The following RAD51B variants were observed in gnomAD, a reference collection of about 807,000 sequenced individuals.
RAD51B encodes RAD51 paralog B, also known as DNA repair protein RAD51 homolog 2.
A neutral mutation model predicts 42.2 loss-of-function variants in RAD51B; 38 were observed. The ratio of observed to expected loss-of-function variants is 0.90; its 90% CI spans 0.70 to 1.18. The LOEUF (loss-of-function observed/expected upper bound fraction) is 1.18, where lower values mean the gene tolerates loss of function less well. Ranked by LOEUF, RAD51B falls within the 50% of genes most tolerant of loss-of-function variation. RAD51B has a pLI of 0.00. For synonymous variants in RAD51B, 154 were observed against 145.2 expected (o/e 1.06, Z -0.43); for missense variants, 373 against 400.7 (o/e 0.93, Z 0.59).
rs78545159 is a variant in RAD51B, at chr14:68,386,034, C to T, written c.854-25390C>T. Among the ~76,000 whole-genome samples the T allele has an allele frequency of 4.1e-3, 617 of 152,320 alleles. 4 individuals carry two copies. Among genetic ancestry groups the T allele is most frequent in the African/African-American group, 0.014 (580 of 41,570 alleles). ...GTCACTTAAGATAGTCCCTTAATCA[C>T]TTCATTGCTCTATTTCCCGTCTTCT... On this transcript the variant is annotated intron_variant, in intron 8 of 10. Transcript: ENST00000471583.
chr14:68,362,665 G>T (rs1020613847), intron 8 of RAD51B, among the ~76,000 whole-genome samples: 21 of 151,926 alleles, frequency 1.4e-4, no homozygotes, highest in Admixed American at 3.3e-4. Flanking sequence ...CTGGCTAACA[G>T]GGTGAAACCC....
Position 67,864,961 on chromosome 14 carries a change from C to CTTTTTTTTTTTTTTTTTTTTTTTTT in RAD51B, c.316-27_316-3dup, listed in dbSNP as rs745505141. ...TGGCTTGTGATGTTTATCTAAAAAACTTTTTTTTTTTTTTTTTTTTTTTTT... is the reference window on the plus strand; with the variant it reads ...TGGCTTGTGATGTTTATCTAAAAAACTTTTTTTTTTTTTTTTTTTTTTTTTTTTTTTTTTTTTTTTTTTTTTTTTT... On this transcript the variant is annotated intron_variant, in intron 4 of 10. Transcript: ENST00000471583. 5.3e-5 allele frequency: 34 copies of CTTTTTTTTTTTTTTTTTTTTTTTTT among 645,020 alleles called. 17 individuals are homozygous for CTTTTTTTTTTTTTTTTTTTTTTTTT. Among genetic ancestry groups the CTTTTTTTTTTTTTTTTTTTTTTTTT allele is most frequent in the African/African-American group, 3.0e-4 (8 of 26,412 alleles). 40.0% of individuals were successfully genotyped at this position (645,020 alleles called of 1,614,324 possible). A position where few individuals can be genotyped will look rare whatever the true frequency, so the allele number is the denominator to read the frequency against.
At chr14:68,415,162 A>G (rs892441500) in intron 9 of RAD51B, among the ~76,000 whole-genome samples, 1 of 151,962 alleles carries the variant, frequency 6.6e-6, no homozygotes, top group African/African-American at 2.4e-5. Flanking sequence ...CTCTGCCAGT[A>G]GAGCTGAGCA....
At chr14:68,149,795 T>A (rs1025180970) in intron 7 of RAD51B, 7 of 152,242 alleles carry the variant, frequency 4.6e-5, no homozygotes, top group Admixed American at 3.9e-4. Flanking sequence ...CTGAACTAAA[T>A]GTGGACATCC....
intron 7 of RAD51B, among the ~76,000 whole-genome samples, chr14:68,088,396 T>G (rs571689437): frequency 9.2e-5 from 14 of 152,114 alleles, no homozygotes; most frequent in Non-Finnish European, 1.9e-4. Context: ...TGTCTCAGGT[T>G]TTTGTTTTTT....
intron 7 of RAD51B, among the ~76,000 whole-genome samples, chr14:67,898,760 A>G (rs1463874092): frequency 6.6e-6 from 1 of 152,214 alleles, no homozygotes; most frequent in African/African-American, 2.4e-5. Flanking sequence ...TCCTAGTTAG[A>G]ATGTTTTCCC....
chr14:68,471,834 A>G (rs2086135866), intron 10 of RAD51B, among the ~76,000 whole-genome samples: 1 of 152,056 alleles, frequency 6.6e-6, no homozygotes, highest in South Asian at 2.1e-4. Flanking sequence ...TTTGTCTGGG[A>G]TCCTGGCCTC....
chr14:68,031,353 G>A (rs2076038944), intron 7 of RAD51B, among the ~76,000 whole-genome samples: 1 of 152,192 alleles, frequency 6.6e-6, no homozygotes, highest in South Asian at 2.1e-4. Flanking sequence ...CCCTGCCCTT[G>A]ATACCTGGGG....
intron 7 of RAD51B, among the ~76,000 whole-genome samples, chr14:68,162,215 A>C (rs1050092331): frequency 2.0e-5 from 3 of 152,230 alleles, no homozygotes; most frequent in Non-Finnish European, 4.4e-5. Context: ...TTTCCATAGA[A>C]GCTAACTTTA....
chr14:68,422,116 G>C lies in RAD51B; in HGVS notation c.957+10589G>C, dbSNP rs2084715814. 6.9e-6 allele frequency: 10 copies of C among 1,455,298 alleles called. No individual in the cohort carries two copies. The East Asian group carries it at 2.3e-4, about 33-fold the overall frequency. The allele number at this position is 1,455,298 out of a possible 1,614,324, so 90.1% of individuals were successfully genotyped here. ...AATTTTCTGCTGTCTTTGGGATCTT[G>C]TCTGCAAACAGCTCGAAGGAGACAT... On this transcript the variant is annotated intron_variant, in intron 9 of 10. Transcript: ENST00000471583.
At chr14:68,485,225 C>T (rs1162681607) in intron 10 of RAD51B, among the ~76,000 whole-genome samples, 1 of 152,172 alleles carries the variant, frequency 6.6e-6, no homozygotes, top group Non-Finnish European at 1.5e-5. Context: ...GCTTCTTGCT[C>T]ATAACTGTAG....
chr14:68,468,318 A>G, intron 10 of RAD51B, 68 bp downstream of exon 10: 1 of 1,457,500 alleles, frequency 6.9e-7, no homozygotes, highest in East Asian at 2.3e-5. Context: ...AGTGGTAATT[A>G]GTGCTATGGT....
At chr14:68,539,479 T>C (rs1887834811) in intron 10 of RAD51B, among the ~76,000 whole-genome samples, 1 of 152,222 alleles carries the variant, frequency 6.6e-6, no homozygotes, top group African/African-American at 2.4e-5. Flanking sequence ...GGGCATTCAC[T>C]GGGTTTCCAG....
At chr14:68,680,666 G>T (rs988277543) in intron 11 of RAD51B, among the ~76,000 whole-genome samples, 17 of 152,006 alleles carry the variant, frequency 1.1e-4, no homozygotes, top group African/African-American at 4.1e-4. Context: ...AGTTAGTCCT[G>T]ATCCACGCAA....
At position 68,601,136 on chromosome 14, in the gene RAD51B, A is replaced by G. The variant is rs111239500; in HGVS notation, c.1037-9870A>G. 5.5e-4 allele frequency among the ~76,000 whole-genome samples: 84 copies of G among 152,208 alleles called. 3 individuals are homozygous for G. The highest frequency in any genetic ancestry group is 1.7e-3 in the African/African-American group (69 of 41,542). On this transcript the variant is annotated intron_variant, in intron 10 of 10. Coordinates refer to the RAD51B transcript ENST00000487861. ...AAAAGACCTGATCCCCAAGCCCCAC[A>G]CCTGGCCCCAAGATCCCTCTGGGAT...
Position 67,841,942 on chromosome 14 carries a change from T to C in RAD51B, c.315+6746T>C, listed in dbSNP as rs571318352. ...TAGTTTTTTCTAATTCTGTGAAAAA[T>C]GACATTGGTAATTTGAATCTGTACA... is the stretch of plus-strand genomic sequence containing the variant. On this transcript the variant is annotated intron_variant, in intron 4 of 10. Coordinates refer to ENST00000471583, the MANE Select transcript of RAD51B (RefSeq NM_133510.4). Among the ~76,000 whole-genome samples the C allele has an allele frequency of 5.0e-3, 761 of 152,282 alleles. 1 individual carries two copies. Among genetic ancestry groups the C allele is most frequent in the Non-Finnish European group, 8.3e-3 (567 of 67,990 alleles).
intron 7 of RAD51B, among the ~76,000 whole-genome samples, chr14:68,109,871 G>C (rs1424370127): frequency 6.6e-6 from 1 of 151,942 alleles, no homozygotes; most frequent in Non-Finnish European, 1.5e-5. Flanking sequence ...TATCCCTACA[G>C]TCAATGCCTG....
intron 7 of RAD51B, among the ~76,000 whole-genome samples, chr14:68,157,195 T>C: frequency 6.6e-6 from 1 of 152,064 alleles, no homozygotes; most frequent in East Asian, 1.9e-4. Context: ...AGAGCCTATC[T>C]CAAAAACAAA....
At chr14:67,940,058 T>A (rs2877409) in intron 7 of RAD51B, among the ~76,000 whole-genome samples, 734 of 10,110 alleles carry the variant, frequency 0.073, no homozygotes, top group East Asian at 0.11. Flanking sequence ...ATATATATTT[T>A]TTTTTTTTTT....
Sources: gnomAD v4.1 joint callset for allele counts (sites outside exome capture counted in the v4.1 genomes callset) on GRCh38, gnomAD v4.1.1 for gene constraint, MANE v1.5 for transcripts, NCBI Gene and HGNC (gene_info 2026-07-23, HGNC 2026-07-21) for gene names.